The following TSC22D1 variants were observed in gnomAD, a reference collection of about 807,000 sequenced individuals.
The protein encoded by TSC22D1 is TSC22 domain family protein 1.
Under a neutral mutation model 74.2 loss-of-function variants are expected in TSC22D1, and 9 were observed. The observed-to-expected ratio is 0.12, with a 90% confidence interval of 0.07 to 0.21. The LOEUF (loss-of-function observed/expected upper bound fraction) is 0.21. Among genes scored for constraint, TSC22D1 ranks in the 10% least tolerant of loss-of-function variants. The pLI, the probability that TSC22D1 is intolerant of heterozygous loss-of-function variation, is 1.00. For synonymous variants in TSC22D1, 586 were observed against 492.5 expected (o/e 1.19, Z -2.51); for missense variants, 1,427 against 1,304.7 (o/e 1.09, Z -1.44).
intron 1 of TSC22D1, among the ~76,000 whole-genome samples, chr13:44,509,648 T>C (rs1350756116): frequency 6.6e-6 from 1 of 152,004 alleles, no homozygotes; most frequent in African/African-American, 2.4e-5. Flanking sequence ...CATTATTTTA[T>C]ACACTTAAAA....
chr13:44,546,447 G>A (rs527803676), intron 1 of TSC22D1, among the ~76,000 whole-genome samples: 1 of 151,952 alleles, frequency 6.6e-6, no homozygotes, highest in Admixed American at 6.6e-5. Flanking sequence ...TGCCAAAAAC[G>A]CACAGATTAA....
At chr13:44,493,125 T>C (rs568426672) in intron 1 of TSC22D1, among the ~76,000 whole-genome samples, 3 of 152,060 alleles carry the variant, frequency 2.0e-5, no homozygotes, top group Non-Finnish European at 2.9e-5. Flanking sequence ...CGCTGGAAAA[T>C]AGTCAAAGGT....
intron 1 of TSC22D1, among the ~76,000 whole-genome samples, chr13:44,496,123 CAATT>C: frequency 6.6e-6 from 1 of 152,176 alleles, no homozygotes; most frequent in South Asian, 2.1e-4. Context: ...AAACACAACT[CAATT>C]AAAAAATGTG....
chr13:44,462,350 T>A (rs1050999802), intron 1 of TSC22D1, among the ~76,000 whole-genome samples: 4 of 152,230 alleles, frequency 2.6e-5, no homozygotes, highest in African/African-American at 4.8e-5. Flanking sequence ...AAAATATGGT[T>A]CTATAAACTC....
chr13:44,456,739 G>T (rs755582903), intron 1 of TSC22D1, among the ~76,000 whole-genome samples: 1 of 152,170 alleles, frequency 6.6e-6, no homozygotes, highest in Non-Finnish European at 1.5e-5. Flanking sequence ...ACTAGAAAGA[G>T]CTCTTGGAAA....
chr13:44,502,889 A>G (rs973869900), intron 1 of TSC22D1, among the ~76,000 whole-genome samples: 1 of 152,232 alleles, frequency 6.6e-6, no homozygotes, highest in African/African-American at 2.4e-5. Context: ...TAAAATCTGT[A>G]TATTTCACAT....
chr13:44,538,430 C>A (rs922697780), intron 1 of TSC22D1: 21 of 985,160 alleles, frequency 2.1e-5, no homozygotes, highest in Admixed American at 6.2e-5. Flanking sequence ...ACAAAAAAAA[C>A]CATTTCATTA....
chr13:44,463,397 T>G (rs932675943), intron 1 of TSC22D1, among the ~76,000 whole-genome samples: 6 of 152,214 alleles, frequency 3.9e-5, no homozygotes, highest in Admixed American at 1.3e-4. Context: ...TATCCAGAAT[T>G]ATAGAAATAG....
At chr13:44,436,263 C>T in intron 1 of TSC22D1, 168 bp from the exon 2 acceptor site, 2 of 898,812 alleles carry the variant, frequency 2.2e-6, no homozygotes, top group Admixed American at 2.9e-5. Context: ...CTCTTACTAA[C>T]GAATATCCAG....
At chr13:44,537,739 T>TA (rs1206808232) in intron 1 of TSC22D1, 1 of 982,878 alleles carries the variant, frequency 1.0e-6, no homozygotes, top group Non-Finnish European at 1.2e-6. Flanking sequence ...CCTTTAAACT[T>TA]ACTTTTAAAT....
chr13:44,500,710 G>T (rs1350957817), intron 1 of TSC22D1, among the ~76,000 whole-genome samples: 1 of 152,012 alleles, frequency 6.6e-6, no homozygotes, highest in East Asian at 1.9e-4. Context: ...TTAGAGACAG[G>T]GTCTCACTCT....
intron 1 of TSC22D1, among the ~76,000 whole-genome samples, chr13:44,523,187 T>A (rs571444450): frequency 1.3e-5 from 2 of 152,320 alleles, no homozygotes; most frequent in South Asian, 4.1e-4. Flanking sequence ...GAATTCATAT[T>A]CATTGCTGGT....
chr13:44,571,804 A>G (rs1416015891), intron 1 of TSC22D1, among the ~76,000 whole-genome samples: 1 of 152,180 alleles, frequency 6.6e-6, no homozygotes, highest in East Asian at 1.9e-4. Context: ...GTTAGGTAAC[A>G]AGGTTTTAAT....
chr13:44,434,327 G>GCA lies in TSC22D1; in HGVS notation c.*297_*298dup. 1 of 1,377,564 alleles carries GCA rather than the reference G, an allele frequency of 7.3e-7. No homozygotes were observed. The highest frequency in any genetic ancestry group is 9.3e-7 in the Non-Finnish European group (1 of 1,075,412). 85.3% of individuals were successfully genotyped at this position (1,377,564 alleles called of 1,614,324 possible). A position where few individuals can be genotyped will look rare whatever the true frequency, so the allele number is the denominator to read the frequency against. On this transcript the variant is annotated 3_prime_UTR_variant, in exon 3 of 3. Transcript: ENST00000458659. ...GTAGGGAGCCGGAAGGGATGGAAAGGCACACAGCTCCTGAGCATGAATTAA... is the reference window on the plus strand; with the variant it reads ...GTAGGGAGCCGGAAGGGATGGAAAGGCACACACAGCTCCTGAGCATGAATTAA...
rs953147162 is a variant in TSC22D1, at chr13:44,536,823, A to T, written c.2912+36340T>A. On this transcript the variant is annotated intron_variant, in intron 1 of 2. Coordinates refer to ENST00000458659, the MANE Select transcript of TSC22D1 (RefSeq NM_183422.4). Reference sequence around the variant, plus strand: ...GAAACTAATCAGGAAAGATGATGCTAATCAGGAAAATGCAAAAACATACAA... The same window carrying T: ...GAAACTAATCAGGAAAGATGATGCTTATCAGGAAAATGCAAAAACATACAA... 3 of 984,100 alleles carry T rather than the reference A, an allele frequency of 3.0e-6. No homozygotes were observed. In the African/African-American group the frequency reaches 5.3e-5, roughly 17 times the overall value. The allele number at this position is 984,100 out of a possible 1,614,324, so 61.0% of individuals were successfully genotyped here.
chr13:44,469,701 A>G (rs931309265), intron 1 of TSC22D1, among the ~76,000 whole-genome samples: 1 of 152,212 alleles, frequency 6.6e-6, no homozygotes, highest in African/African-American at 2.4e-5. Context: ...CCATGCCAAG[A>G]GGAAAATGTA....
At chr13:44,451,831 T>C (rs1357882057) in intron 1 of TSC22D1, among the ~76,000 whole-genome samples, 2 of 152,198 alleles carry the variant, frequency 1.3e-5, no homozygotes, top group East Asian at 3.9e-4. Context: ...TGTGGGGCTG[T>C]TGGGGCCACT....
intron 1 of TSC22D1, among the ~76,000 whole-genome samples, chr13:44,533,923 A>C (rs1880995967): frequency 6.6e-6 from 1 of 152,178 alleles, no homozygotes; most frequent in Non-Finnish European, 1.5e-5. Flanking sequence ...TCTACATCAA[A>C]AGGTAAGGTG....
intron 1 of TSC22D1, among the ~76,000 whole-genome samples, chr13:44,479,912 T>C (rs775746796): frequency 5.3e-5 from 8 of 152,246 alleles, no homozygotes; most frequent in Non-Finnish European, 1.0e-4. Flanking sequence ...AAGTCTATGA[T>C]TCTAGGCTGG....
Sources: allele counts gnomAD v4.1 joint callset (sites outside exome capture counted in the v4.1 genomes callset), GRCh38; gene constraint gnomAD v4.1.1; transcripts MANE v1.5; gene names NCBI Gene and HGNC (gene_info 2026-07-23, HGNC 2026-07-21).